The following RABGAP1L variants were observed in gnomAD, a reference collection of about 807,000 sequenced individuals.
RABGAP1L encodes rab GTPase-activating protein 1-like.
In RABGAP1L, 63 loss-of-function variants were observed where a neutral mutation model predicts 137.7. The observed-to-expected ratio is 0.46, with a 90% CI of 0.37 to 0.56. The LOEUF (loss-of-function observed/expected upper bound fraction) is 0.56, where lower values mean the gene tolerates loss of function less well. Among genes scored for constraint, RABGAP1L ranks in the 20% least tolerant of loss-of-function variants. The probability of loss-of-function intolerance (pLI) is 0.00; values close to 1 mark genes in which losing one functional copy is unlikely to be tolerated. For synonymous variants in RABGAP1L, 431 were observed against 433.7 expected (o/e 0.99, Z 0.08); for missense variants, 1,095 against 1,244.0 (o/e 0.88, Z 1.80).
At chr1:174,839,326 C>G (rs953609927) in intron 19 of RABGAP1L, among the ~76,000 whole-genome samples, 13 of 152,062 alleles carry the variant, frequency 8.5e-5, no homozygotes, top group African/African-American at 2.9e-4. Context: ...TCCCAGTTAC[C>G]CCTCTCACAT....
rs542502724 is a variant in RABGAP1L at position 174,961,745 on chromosome 1, C to T, written c.2433+4196C>T. ...CCTGTAGTCCCAGCTACTCGAGAGG[C>T]TGAGGCATGAGAATCGCTTGAGCCT... On this transcript the variant is annotated intron_variant, in intron 20 of 25. Transcript: ENST00000681986. 2.7e-5 allele frequency among the ~76,000 whole-genome samples: 4 copies of T among 148,472 alleles called. No individual in the cohort carries two copies. The East Asian group carries it at 8.3e-4, about 31-fold the overall frequency.
intron 13 of RABGAP1L, among the ~76,000 whole-genome samples, chr1:174,581,667 A>G (rs1045643380): frequency 6.6e-6 from 1 of 152,208 alleles, no homozygotes; most frequent in African/African-American, 2.4e-5. Flanking sequence ...ATGGAATTGT[A>G]CGCTTTAAAC....
At chr1:174,751,842 A>G (rs142838135) in intron 17 of RABGAP1L, among the ~76,000 whole-genome samples, 6 of 152,310 alleles carry the variant, frequency 3.9e-5, no homozygotes, top group African/African-American at 1.4e-4. Flanking sequence ...ATGCAGTGTG[A>G]TACTTAAAGC....
chr1:174,884,032 A>G (rs766662370), intron 19 of RABGAP1L, among the ~76,000 whole-genome samples: 1 of 152,216 alleles, frequency 6.6e-6, no homozygotes, highest in Non-Finnish European at 1.5e-5. Flanking sequence ...TGGCTTTACC[A>G]TGTTCCACAT....
chr1:174,495,192 T>C (rs576352029), intron 13 of RABGAP1L, among the ~76,000 whole-genome samples: 5 of 152,300 alleles, frequency 3.3e-5, no homozygotes, highest in African/African-American at 9.6e-5. Flanking sequence ...CTGGAAGATA[T>C]ATATCATGAA....
intron 19 of RABGAP1L, among the ~76,000 whole-genome samples, chr1:174,848,998 C>T (rs567655984): frequency 6.6e-6 from 1 of 152,188 alleles, no homozygotes; most frequent in East Asian, 1.9e-4. Context: ...TTTCCAGGTG[C>T]GTCCGTCACC....
intron 11 of RABGAP1L, among the ~76,000 whole-genome samples, chr1:174,350,457 G>A (rs1683041528): frequency 8.5e-6 from 1 of 117,044 alleles, no homozygotes; most frequent in African/African-American, 3.4e-5. Flanking sequence ...CAGATGGGGC[G>A]GCGGGGCAGA....
chr1:174,542,192 G>C (rs1482290972), intron 13 of RABGAP1L, among the ~76,000 whole-genome samples: 1 of 152,112 alleles, frequency 6.6e-6, no homozygotes, highest in Non-Finnish European at 1.5e-5. Flanking sequence ...TTGTACCTCT[G>C]GTAGAATTCA....
intron 14 of RABGAP1L, among the ~76,000 whole-genome samples, chr1:174,658,534 C>A (rs772085700): frequency 6.6e-6 from 1 of 152,184 alleles, no homozygotes; most frequent in Non-Finnish European, 1.5e-5. Flanking sequence ...TCTCTCATTA[C>A]TGCTGCCAGT....
chr1:174,171,696 TAAAAAAAAAA>T (rs57052121), intron 1 of RABGAP1L, among the ~76,000 whole-genome samples: 1 of 134,304 alleles, frequency 7.4e-6, no homozygotes, highest in Non-Finnish European at 1.6e-5. Flanking sequence ...TATTCAGCTT[TAAAAAAAAAA>T]AAAAAAAAGG....
intron 1 of RABGAP1L, among the ~76,000 whole-genome samples, chr1:174,202,933 G>C (rs908127595): frequency 1.1e-4 from 17 of 151,804 alleles, no homozygotes; most frequent in Non-Finnish European, 2.2e-4. Flanking sequence ...GCTTCTTTTT[G>C]TCAGGTTTGT....
intron 18 of RABGAP1L, among the ~76,000 whole-genome samples, chr1:174,768,788 G>C (rs1685873503): frequency 6.6e-6 from 1 of 152,112 alleles, no homozygotes; most frequent in Non-Finnish European, 1.5e-5. Context: ...TCTCACTCCT[G>C]CTCAAAAACT....
chr1:174,935,973 C>T (rs1573904545), intron 19 of RABGAP1L, among the ~76,000 whole-genome samples: 1 of 135,002 alleles, frequency 7.4e-6, no homozygotes, highest in Middle Eastern at 4.1e-3. Context: ...AAGAGTAAAC[C>T]TCCATCTCAC....
At chr1:174,447,118 TA>T (rs1009247408) in intron 13 of RABGAP1L, among the ~76,000 whole-genome samples, 6 of 152,190 alleles carry the variant, frequency 3.9e-5, no homozygotes, top group African/African-American at 1.4e-4. Flanking sequence ...GCCAAATTAA[TA>T]GCAAAAATAA....
intron 11 of RABGAP1L, among the ~76,000 whole-genome samples, chr1:174,349,964 AC>A (rs1328307635): frequency 8.3e-5 from 6 of 72,154 alleles, no homozygotes; most frequent in African/African-American, 1.5e-4. Context: ...GGGGGGGCTG[AC>A]CCCCCCATCT....
intron 13 of RABGAP1L, among the ~76,000 whole-genome samples, chr1:174,518,826 C>G (rs978278610): frequency 2.6e-5 from 4 of 152,152 alleles, no homozygotes; most frequent in African/African-American, 9.7e-5. Context: ...ATTGCCTTGA[C>G]AGTCACTCTC....
intron 19 of RABGAP1L, among the ~76,000 whole-genome samples, chr1:174,940,557 C>T (rs556474378): frequency 6.6e-6 from 1 of 152,228 alleles, no homozygotes; most frequent in African/African-American, 2.4e-5. Context: ...GAATCACAAG[C>T]GTGAGCCACT....
At chr1:174,483,331 C>T (rs1390032191) in intron 13 of RABGAP1L, among the ~76,000 whole-genome samples, 3 of 152,160 alleles carry the variant, frequency 2.0e-5, no homozygotes, top group East Asian at 1.9e-4. Context: ...TACTCTCTAT[C>T]TCCCTGAGTC....
chr1:174,484,633 C>T (rs893948703), intron 13 of RABGAP1L, among the ~76,000 whole-genome samples: 2 of 152,174 alleles, frequency 1.3e-5, no homozygotes, highest in Non-Finnish European at 2.9e-5. Context: ...TTCCCAACAA[C>T]ATTTATTGAA....
Sources: allele counts gnomAD v4.1 joint callset (sites outside exome capture counted in the v4.1 genomes callset), GRCh38; gene constraint gnomAD v4.1.1; transcripts MANE v1.5; gene names NCBI Gene and HGNC (gene_info 2026-07-23, HGNC 2026-07-21).